The following PLCE1 variants were observed in gnomAD, a reference collection of about 807,000 sequenced individuals.
The protein encoded by PLCE1 is phospholipase C epsilon 1, also known as 1-phosphatidylinositol 4,5-bisphosphate phosphodiesterase epsilon-1.
Under a neutral mutation model 242.8 loss-of-function variants are expected in PLCE1, and 119 were observed. That is an observed-to-expected ratio of 0.49 (90% CI 0.42 to 0.57). The LOEUF (loss-of-function observed/expected upper bound fraction) is 0.57. Ranked by LOEUF, PLCE1 falls within the 20% of genes least tolerant of loss-of-function variation. PLCE1 has a pLI of 0.00. For missense variants in PLCE1, 2,441 were observed against 2,788.8 expected (o/e 0.88, Z 2.81); for synonymous variants, 945 against 1,017.4 (o/e 0.93, Z 1.35).
intron 2 of PLCE1, among the ~76,000 whole-genome samples, chr10:94,074,278 G>A (rs546391113): frequency 2.0e-5 from 3 of 148,328 alleles, no homozygotes; most frequent in East Asian, 2.0e-4. Flanking sequence ...CTGCAGCTTC[G>A]AACTCCTGAG....
intron 23 of PLCE1, among the ~76,000 whole-genome samples, chr10:94,297,471 C>T (rs1039599808): frequency 6.6e-6 from 1 of 151,172 alleles, no homozygotes; most frequent in Admixed American, 6.6e-5. Flanking sequence ...TGTTTAAAAG[C>T]TTGAAATGTT....
At chr10:94,089,493 C>A in intron 2 of PLCE1, 1 of 678,396 alleles carries the variant, frequency 1.5e-6, no homozygotes, top group Non-Finnish European at 2.3e-6. Flanking sequence ...TCCTCTGAGA[C>A]ATTTTACAAA....
At chr10:94,221,501 C>T (rs899468854) in intron 4 of PLCE1, among the ~76,000 whole-genome samples, 1 of 152,214 alleles carries the variant, frequency 6.6e-6, no homozygotes, top group Non-Finnish European at 1.5e-5. Context: ...CTTTGGGAGG[C>T]CGAGGTGGGT....
At position 94,265,973 on chromosome 10, in the gene PLCE1, A is replaced by G; in HGVS notation, c.4281+15A>G. 1.2e-6 allele frequency: 2 copies of G among 1,613,246 alleles called. No homozygotes were observed. The highest frequency in any genetic ancestry group is 1.7e-6 in the Non-Finnish European group (2 of 1,179,216). ...TCTACAGCCAGGTACAGGGAATGCCACTTGGAATGTGGTTTTTATTAAACC... is the reference window on the plus strand; with the variant it reads ...TCTACAGCCAGGTACAGGGAATGCCGCTTGGAATGTGGTTTTTATTAAACC... On this transcript the variant is annotated intron_variant, in intron 16 of 32. Transcript: ENST00000371380.
intron 3 of PLCE1, among the ~76,000 whole-genome samples, chr10:94,137,120 G>A (rs2046804782): frequency 6.6e-6 from 1 of 152,106 alleles, no homozygotes; most frequent in African/African-American, 2.4e-5. Flanking sequence ...GTGAACCCGG[G>A]AGGCAGAGCT....
chr10:94,217,376 C>T (rs1394432300), intron 4 of PLCE1, among the ~76,000 whole-genome samples: 1 of 152,114 alleles, frequency 6.6e-6, no homozygotes, highest in Non-Finnish European at 1.5e-5. Context: ...GAGCTAACAG[C>T]TCAGTTATAT....
chr10:94,064,608 G>A (rs543114926), intron 2 of PLCE1, among the ~76,000 whole-genome samples: 19 of 152,222 alleles, frequency 1.2e-4, no homozygotes, highest in South Asian at 1.2e-3. Flanking sequence ...TCCCAGCCTC[G>A]TCACCTTGCT....
intron 1 of PLCE1, among the ~76,000 whole-genome samples, chr10:94,011,490 A>G (rs1339791073): frequency 1.3e-5 from 2 of 152,114 alleles, no homozygotes; most frequent in Non-Finnish European, 2.9e-5. Context: ...GCCACTTGCT[A>G]TGCTTAACCA....
At chr10:94,127,839 G>T (rs78446312) in intron 2 of PLCE1, among the ~76,000 whole-genome samples, 7,668 of 152,248 alleles carry the variant, frequency 0.05, 295 homozygotes, top group Admixed American at 0.11. Flanking sequence ...CAGCTGGGAA[G>T]CATGGGAGCT....
chr10:94,268,341 T>A (rs1398697996), intron 16 of PLCE1, among the ~76,000 whole-genome samples: 1 of 152,252 alleles, frequency 6.6e-6, no homozygotes, highest in East Asian at 1.9e-4. Context: ...TTATTTGCCA[T>A]CCCTGCTCTA....
chr10:94,064,269 T>C (rs1166076720), intron 2 of PLCE1, among the ~76,000 whole-genome samples: 1 of 152,158 alleles, frequency 6.6e-6, no homozygotes, highest in Admixed American at 6.5e-5. Context: ...GCGTGAGCTT[T>C]GTTCAGACGT....
At chr10:94,043,404 T>G (rs1372885167) in intron 2 of PLCE1, among the ~76,000 whole-genome samples, 2 of 152,246 alleles carry the variant, frequency 1.3e-5, no homozygotes, top group South Asian at 2.1e-4. Flanking sequence ...TACTTCATTT[T>G]ATCCCTATGT....
At chr10:94,243,241 C>A (rs2050568638) in intron 7 of PLCE1, among the ~76,000 whole-genome samples, 1 of 152,138 alleles carries the variant, frequency 6.6e-6, no homozygotes, top group Non-Finnish European at 1.5e-5. Flanking sequence ...AAACCCATAA[C>A]CTGCATCTAG....
chr10:94,136,542 C>T (rs752252013), intron 3 of PLCE1, among the ~76,000 whole-genome samples: 10 of 152,070 alleles, frequency 6.6e-5, no homozygotes, highest in Non-Finnish European at 1.2e-4. Flanking sequence ...AGATGGGGGT[C>T]GTGGTCACCT....
chr10:94,102,350 TTG>T (rs2045570358), intron 2 of PLCE1, among the ~76,000 whole-genome samples: 1 of 152,212 alleles, frequency 6.6e-6, no homozygotes, highest in African/African-American at 2.4e-5. Flanking sequence ...ATAGTCTAAG[TTG>T]TGTTTTCCAA....
At chr10:94,058,645 T>C (rs1457194471) in intron 2 of PLCE1, among the ~76,000 whole-genome samples, 1 of 152,158 alleles carries the variant, frequency 6.6e-6, no homozygotes, top group Non-Finnish European at 1.5e-5. Context: ...CCCTGGGTGA[T>C]GATTAAGAGC....
intron 11 of PLCE1, among the ~76,000 whole-genome samples, chr10:94,256,781 T>C: frequency 6.6e-6 from 1 of 152,120 alleles, no homozygotes; most frequent in Non-Finnish European, 1.5e-5. Flanking sequence ...AGGACAGGGA[T>C]CAGCACCCAC....
intron 1 of PLCE1, among the ~76,000 whole-genome samples, chr10:94,021,180 T>C (rs2061370460): frequency 6.6e-6 from 1 of 151,820 alleles, no homozygotes; most frequent in Non-Finnish European, 1.5e-5. Context: ...CAGATATGTG[T>C]ACTGTGAATA....
intron 4 of PLCE1, among the ~76,000 whole-genome samples, chr10:94,226,857 T>TTTTA (rs2049962018): frequency 7.0e-6 from 1 of 142,328 alleles, no homozygotes; most frequent in African/African-American, 2.6e-5. Flanking sequence ...TTTTTTTTTT[T>TTTTA]GAGACAGAGC....
Sources: allele counts gnomAD v4.1 joint callset (sites outside exome capture counted in the v4.1 genomes callset), GRCh38; gene constraint gnomAD v4.1.1; transcripts MANE v1.5; gene names NCBI Gene and HGNC (gene_info 2026-07-23, HGNC 2026-07-21).